Variants in C8orf34 observed in about 807,000 individuals in gnomAD.
C8orf34 encodes uncharacterized protein C8orf34.
Under a neutral mutation model 68.3 loss-of-function variants are expected in C8orf34, and 65 were observed. The observed-to-expected ratio is 0.95, with a 90% CI of 0.78 to 1.17. The LOEUF is 1.17. Among genes scored for constraint, C8orf34 ranks in the 50% most tolerant of loss-of-function variants. The pLI is 0.00. For synonymous variants in C8orf34, 244 were observed against 241.2 expected (o/e 1.01, Z -0.11); for missense variants, 664 against 655.4 (o/e 1.01, Z -0.14).
At chr8:68,666,414 G>A (rs1195109392) in intron 8 of C8orf34, among the ~76,000 whole-genome samples, 1 of 152,220 alleles carries the variant, frequency 6.6e-6, no homozygotes, top group African/African-American at 2.4e-5. Flanking sequence ...GACAACCTAA[G>A]TAGATATTGC....
intron 11 of C8orf34, among the ~76,000 whole-genome samples, chr8:68,784,556 A>G (rs956353596): frequency 1.3e-5 from 2 of 152,174 alleles, no homozygotes; most frequent in African/African-American, 2.4e-5. Context: ...AAGGGTGGAG[A>G]ATTTACATAA....
intron 7 of C8orf34, among the ~76,000 whole-genome samples, chr8:68,540,580 C>G (rs1009598965): frequency 6.6e-6 from 1 of 151,958 alleles, no homozygotes; most frequent in Non-Finnish European, 1.5e-5. Context: ...CGGTGGCTCA[C>G]TCCAGTAATC....
chr8:68,790,425 A>G (rs535035633), intron 12 of C8orf34, among the ~76,000 whole-genome samples: 1 of 152,306 alleles, frequency 6.6e-6, no homozygotes, highest in Admixed American at 6.5e-5. Context: ...GGGATTGTCT[A>G]ATTTCTCTTG....
At chr8:68,816,082 A>T in intron 13 of C8orf34, 137 bp downstream of exon 13, 2 of 1,361,300 alleles carry the variant, frequency 1.5e-6, no homozygotes, top group Non-Finnish European at 2.0e-6. Context: ...AGTATCCTGC[A>T]TAAGATTATA....
At chr8:68,790,471 C>T (rs1025618985) in intron 12 of C8orf34, among the ~76,000 whole-genome samples, 14 of 152,138 alleles carry the variant, frequency 9.2e-5, no homozygotes, top group East Asian at 3.8e-4. Context: ...TTCCAAATAA[C>T]GTCAGGGGTA....
chr8:68,683,621 G>T (rs1820430612), intron 8 of C8orf34, among the ~76,000 whole-genome samples: 1 of 151,962 alleles, frequency 6.6e-6, no homozygotes, highest in Non-Finnish European at 1.5e-5. Context: ...CTGGAAAAAG[G>T]TATAAGTTTC....
chr8:68,684,066 TTCTGTTTCTTTTACTTCC>T (rs1162650435), intron 8 of C8orf34, among the ~76,000 whole-genome samples: 87 of 152,348 alleles, frequency 5.7e-4, no homozygotes, highest in African/African-American at 2.0e-3. Context: ...TTATTTCTCC[TTCTGTTTCTTTTACTTCC>T]TCTATCTTGT....
chr8:68,599,220 G>A (rs918222025), intron 7 of C8orf34, among the ~76,000 whole-genome samples: 2 of 151,996 alleles, frequency 1.3e-5, no homozygotes, highest in African/African-American at 2.4e-5. Flanking sequence ...ACGTTTCTGA[G>A]AGATATTAAA....
intron 7 of C8orf34, among the ~76,000 whole-genome samples, chr8:68,619,601 G>A (rs544668665): frequency 2.0e-5 from 3 of 152,216 alleles, no homozygotes; most frequent in African/African-American, 7.2e-5. Flanking sequence ...GGAAGAAAAG[G>A]TACCATCTAA....
intron 1 of C8orf34, among the ~76,000 whole-genome samples, chr8:68,333,409 C>T (rs1585930119): frequency 6.6e-6 from 1 of 152,118 alleles, no homozygotes; most frequent in East Asian, 1.9e-4. Flanking sequence ...GTTTGATGTC[C>T]ACTTTAAATA....
intron 10 of C8orf34, among the ~76,000 whole-genome samples, chr8:68,774,775 TG>T (rs1823458732): frequency 6.6e-6 from 1 of 151,584 alleles, no homozygotes; most frequent in Admixed American, 6.6e-5. Flanking sequence ...AATTTAATTT[TG>T]TATGTTTTAA....
At chr8:68,781,505 C>T (rs1397785475) in intron 11 of C8orf34, among the ~76,000 whole-genome samples, 4 of 152,196 alleles carry the variant, frequency 2.6e-5, no homozygotes, top group Admixed American at 2.6e-4. Context: ...GTACTACACT[C>T]AGATACAGTT....
intron 10 of C8orf34, among the ~76,000 whole-genome samples, chr8:68,750,003 G>A (rs1822654811): frequency 6.6e-6 from 1 of 151,974 alleles, no homozygotes; most frequent in Admixed American, 6.6e-5. Flanking sequence ...TGGAATTGCT[G>A]GGTCATATGA....
intron 7 of C8orf34, among the ~76,000 whole-genome samples, chr8:68,610,746 T>G (rs889016883): frequency 1.3e-5 from 2 of 151,884 alleles, no homozygotes; most frequent in Non-Finnish European, 2.9e-5. Context: ...AAGTAACTAA[T>G]GAGGGAATGT....
intron 7 of C8orf34, among the ~76,000 whole-genome samples, chr8:68,616,738 G>T (rs893971536): frequency 6.6e-6 from 1 of 152,038 alleles, no homozygotes; most frequent in African/African-American, 2.4e-5. Context: ...AATAGGTGTG[G>T]TGTGGTGCTG....
intron 1 of C8orf34, among the ~76,000 whole-genome samples, chr8:68,400,545 A>T (rs1345282913): frequency 6.6e-6 from 1 of 151,882 alleles, no homozygotes; most frequent in East Asian, 1.9e-4. Context: ...CTGTTGATCT[A>T]TGTGTCTGTT....
intron 4 of C8orf34, among the ~76,000 whole-genome samples, chr8:68,480,554 G>A (rs1021205703): frequency 3.9e-5 from 6 of 152,188 alleles, no homozygotes; most frequent in Non-Finnish European, 7.3e-5. Flanking sequence ...ATGTGTGAAA[G>A]TTTGAAACTT....
chr8:68,607,095 G>A lies in C8orf34; in HGVS notation c.1106-33281G>A, dbSNP rs16934762. On this transcript the variant is annotated intron_variant, in intron 7 of 13. Coordinates refer to ENST00000518698, the MANE Select transcript of C8orf34 (RefSeq NM_052958.4). The stretch of plus-strand genomic sequence containing the variant: ...TTCTTATCGTCAATCAGAGTCTATC[G>A]CCAACAGCTGAAGGTATCCCGAGGC... Among the ~76,000 whole-genome samples, 7 of 152,058 alleles carry A rather than the reference G, an allele frequency of 4.6e-5. No individual in the cohort carries two copies. The East Asian group carries it at 1.2e-3, about 25-fold the overall frequency.
chr8:68,349,383 T>C (rs1806413821), intron 1 of C8orf34, among the ~76,000 whole-genome samples: 1 of 152,108 alleles, frequency 6.6e-6, no homozygotes, highest in South Asian at 2.1e-4. Flanking sequence ...TGCAGGTATT[T>C]TGTTGAGAAT....
Sources: gnomAD v4.1 joint callset for allele counts (sites outside exome capture counted in the v4.1 genomes callset) on GRCh38, gnomAD v4.1.1 for gene constraint, MANE v1.5 for transcripts, NCBI Gene and HGNC (gene_info 2026-07-23, HGNC 2026-07-21) for gene names.